ZDHHC15: variants seen among roughly 807,000 people sequenced by gnomAD.
ZDHHC15 encodes the protein zDHHC palmitoyltransferase 15, also known as palmitoyltransferase ZDHHC15.
In ZDHHC15, 19 loss-of-function variants were observed where a neutral mutation model predicts 31.7. The ratio of observed to expected loss-of-function variants is 0.60; its 90% CI spans 0.42 to 0.88. The LOEUF is 0.88. Ranked by LOEUF, ZDHHC15 falls within the 40% of genes least tolerant of loss-of-function variation. ZDHHC15 has a pLI of 0.00. For synonymous variants in ZDHHC15, 103 were observed against 90.0 expected (o/e 1.14, Z -0.82); for missense variants, 209 against 251.2 (o/e 0.83, Z 1.14).
chrX:75,493,240 T>C (rs1386542120), intron 2 of ZDHHC15, among the ~76,000 whole-genome samples: 1 of 111,596 alleles, frequency 9.0e-6, no homozygotes, highest in Non-Finnish European at 1.9e-5. Context: ...CAGGAAGAAG[T>C]TGAATCTCTG....
At chrX:75,432,952 C>T (rs1171762366) in intron 4 of ZDHHC15, among the ~76,000 whole-genome samples, 1 of 110,879 alleles carries the variant, frequency 9.0e-6, no homozygotes, top group Non-Finnish European at 1.9e-5. Flanking sequence ...CCACTGTACT[C>T]CAGCCTGGGC....
intron 4 of ZDHHC15, among the ~76,000 whole-genome samples, chrX:75,438,374 T>G (rs772621303): frequency 8.9e-6 from 1 of 112,065 alleles, no homozygotes; most frequent in Middle Eastern, 4.2e-3. Context: ...TTTAGGATTG[T>G]GATATTTTCC....
chrX:75,399,221 G>A (rs914880794), intron 10 of ZDHHC15, among the ~76,000 whole-genome samples: 1 of 111,398 alleles, frequency 9.0e-6, no homozygotes, highest in African/African-American at 3.3e-5. Context: ...CCCCCCACCA[G>A]AGCTACTAAG....
intron 7 of ZDHHC15, among the ~76,000 whole-genome samples, chrX:75,425,764 A>G (rs923934773): frequency 2.7e-5 from 3 of 111,838 alleles, no homozygotes; most frequent in Admixed American, 9.6e-5. Context: ...TTCTACTCCA[A>G]TTTGGGAGGA....
chrX:75,496,802 A>C (rs1430457570), intron 2 of ZDHHC15, among the ~76,000 whole-genome samples: 2 of 111,586 alleles, frequency 1.8e-5, no homozygotes, highest in African/African-American at 6.5e-5. Context: ...ACTGAATAAT[A>C]ATAGTGACAC....
Position 75,494,356 on chromosome X carries a change from G to T in ZDHHC15, c.163+11465C>A, listed in dbSNP as rs2084952801. ...TCAATATCGTGAAAATGGCCATACTGCCCAAGGTAATTTACAGATTCAATG... is the reference window on the plus strand; with the variant it reads ...TCAATATCGTGAAAATGGCCATACTTCCCAAGGTAATTTACAGATTCAATG... On this transcript the variant is annotated intron_variant, in intron 2 of 11. Transcript: ENST00000373367. Among the ~76,000 whole-genome samples, 2 of 111,282 alleles carry T rather than the reference G, an allele frequency of 1.8e-5. 1 individual carries two copies. The highest frequency in any genetic ancestry group is 6.6e-5 in the African/African-American group (2 of 30,488).
At chrX:75,479,121 T>C in intron 2 of ZDHHC15, 136 bp from the exon 3 acceptor site, 1 of 414,089 alleles carries the variant, frequency 2.4e-6, no homozygotes. Flanking sequence ...GAAGTGTTAA[T>C]TTTATTTTCC....
At chrX:75,428,962 T>G (rs778795685) in intron 7 of ZDHHC15, 116 bp downstream of exon 7, 1 of 1,001,792 alleles carries the variant, frequency 1.0e-6, no homozygotes, top group East Asian at 3.4e-5. Context: ...TCTCTTCCAG[T>G]TACTTCAACA....
intron 4 of ZDHHC15, among the ~76,000 whole-genome samples, chrX:75,438,059 C>G (rs779729777): frequency 1.1e-4 from 12 of 112,116 alleles, no homozygotes. Context: ...CAGAGAAATG[C>G]AAATCACAAC....
At chrX:75,486,475 C>A (rs1312759223) in intron 2 of ZDHHC15, among the ~76,000 whole-genome samples, 1 of 112,250 alleles carries the variant, frequency 8.9e-6, no homozygotes, top group Non-Finnish European at 1.9e-5. Flanking sequence ...GGGAAGTGAT[C>A]AGAAAGCTCA....
intron 10 of ZDHHC15, among the ~76,000 whole-genome samples, chrX:75,398,191 A>T (rs2083318219): frequency 1.8e-5 from 2 of 112,250 alleles, no homozygotes; most frequent in African/African-American, 6.5e-5. Flanking sequence ...TTCCCTAAAA[A>T]GGAGCTCCTG....
chrX:75,486,958 C>A (rs1388682221), intron 2 of ZDHHC15, among the ~76,000 whole-genome samples: 1 of 111,128 alleles, frequency 9.0e-6, no homozygotes, highest in Non-Finnish European at 1.9e-5. Flanking sequence ...TATGGCACCA[C>A]CTATCACCTG....
At chrX:75,437,714 C>A (rs2083881624) in intron 4 of ZDHHC15, among the ~76,000 whole-genome samples, 1 of 107,423 alleles carries the variant, frequency 9.3e-6, no homozygotes, top group Non-Finnish European at 1.9e-5. Context: ...GGTTCCAAGT[C>A]TTTGCTATTG....
At chrX:75,449,646 A>G (rs770399467) in intron 4 of ZDHHC15, among the ~76,000 whole-genome samples, 12 of 112,395 alleles carry the variant, frequency 1.1e-4, no homozygotes, top group African/African-American at 3.9e-4. Context: ...ATCATATAAT[A>G]CCAAGAACAT....
intron 4 of ZDHHC15, among the ~76,000 whole-genome samples, chrX:75,439,323 A>G (rs776220988): frequency 3.6e-5 from 4 of 111,924 alleles, no homozygotes; most frequent in South Asian, 3.7e-4. Context: ...TAATCATTTA[A>G]CATAATCACA....
At chrX:75,521,043 G>A (rs770998289) in intron 1 of ZDHHC15, among the ~76,000 whole-genome samples, 2 of 110,605 alleles carry the variant, frequency 1.8e-5, no homozygotes, top group Non-Finnish European at 3.8e-5. Flanking sequence ...GTCAGGTCCC[G>A]GAGTTCAAAA....
At position 75,368,830 on chromosome X, in the gene ZDHHC15, C is replaced by A. The variant is rs763742117; in HGVS notation, c.*4148G>T. 7.2e-5 allele frequency: 8 copies of A among 111,597 alleles called. No individual in the cohort carries two copies. The South Asian group carries it at 2.6e-3, about 37-fold the overall frequency. 9.2% of individuals were successfully genotyped at this position (111,597 alleles called of 1,213,427 possible). A position where few individuals can be genotyped will look rare whatever the true frequency, so the allele number is the denominator to read the frequency against. On this transcript the variant is annotated 3_prime_UTR_variant, in exon 12 of 12. Transcript: ENST00000373367. ...CTGCTGATGGCTGTGTACCATCCTG[C>A]TACAAAGAACACATTTAATGGTTTT...
intron 10 of ZDHHC15, among the ~76,000 whole-genome samples, chrX:75,384,085 T>C (rs2083154124): frequency 9.0e-6 from 1 of 111,216 alleles, no homozygotes; most frequent in East Asian, 2.8e-4. Flanking sequence ...TTTCCTATTA[T>C]ATACTTGGTC....
At chrX:75,451,893 G>A (rs1460620898) in intron 3 of ZDHHC15, among the ~76,000 whole-genome samples, 1 of 111,180 alleles carries the variant, frequency 9.0e-6, no homozygotes, top group South Asian at 3.8e-4. Flanking sequence ...ACTAAACATG[G>A]AAAGAAACAA....
Sources: allele counts gnomAD v4.1 joint callset (sites outside exome capture counted in the v4.1 genomes callset), GRCh38; gene constraint gnomAD v4.1.1; transcripts MANE v1.5; gene names NCBI Gene and HGNC (gene_info 2026-07-23, HGNC 2026-07-21).